Variants in GPC6 observed in about 807,000 individuals in gnomAD.
GPC6 encodes the protein glypican 6, also known as glypican-6.
A neutral mutation model predicts 55.2 loss-of-function variants in GPC6; 14 were observed. The ratio of observed to expected loss-of-function variants is 0.25; its 90% CI spans 0.17 to 0.40. GPC6 has a LOEUF of 0.40. Ranked by LOEUF, GPC6 falls within the 10% of genes least tolerant of loss-of-function variation. The pLI, the probability that GPC6 is intolerant of heterozygous loss-of-function variation, is 1.00. For missense variants in GPC6, 641 were observed against 708.5 expected (o/e 0.90, Z 1.08); for synonymous variants, 278 against 259.6 (o/e 1.07, Z -0.68).
chr13:94,100,746 CT>C (rs34981871), intron 4 of GPC6, among the ~76,000 whole-genome samples: 52,012 of 152,012 alleles, frequency 0.34, 9,437 homozygotes, highest in Middle Eastern at 0.44. Context: ...TGGGTGAATT[CT>C]TTAATTCTTT....
chr13:93,298,625 T>C (rs1878572457), intron 1 of GPC6, among the ~76,000 whole-genome samples: 1 of 152,000 alleles, frequency 6.6e-6, no homozygotes, highest in Non-Finnish European at 1.5e-5. Context: ...CTTTTTTTTT[T>C]TTATAGGGAT....
chr13:94,033,417 A>C (rs1324043717), intron 4 of GPC6, among the ~76,000 whole-genome samples: 1 of 152,190 alleles, frequency 6.6e-6, no homozygotes, highest in Non-Finnish European at 1.5e-5. Flanking sequence ...GTCAATTCTC[A>C]TGGTAATTTG....
chr13:93,662,250 G>A lies in GPC6; in HGVS notation c.319+116829G>A, dbSNP rs932634279. The stretch of plus-strand genomic sequence containing the variant: ...TGTTATTTCTTGTAGTAAGTCACTC[G>A]GGCTAATGTGTTATCACTGAAAACT... On this transcript the variant is annotated intron_variant, in intron 2 of 8. Transcript: ENST00000377047. Among the ~76,000 whole-genome samples the A allele has an allele frequency of 3.0e-4, 45 of 152,218 alleles. 1 individual carries two copies. The highest frequency in any genetic ancestry group is 3.9e-4 in the Admixed American group (6 of 15,284).
chr13:94,046,792 C>G (rs1415877397), intron 4 of GPC6, among the ~76,000 whole-genome samples: 4 of 152,092 alleles, frequency 2.6e-5, no homozygotes, highest in Admixed American at 2.6e-4. Flanking sequence ...CCTCCACATG[C>G]CCTTGGGCAA....
chr13:93,539,722 G>C (rs1050427697), intron 1 of GPC6, among the ~76,000 whole-genome samples: 3 of 139,654 alleles, frequency 2.1e-5, no homozygotes, highest in Non-Finnish European at 3.1e-5. Context: ...ACAGGGTTTT[G>C]CTCTTGTTGT....
intron 1 of GPC6, among the ~76,000 whole-genome samples, chr13:93,424,378 G>A (rs1251041765): frequency 6.6e-6 from 1 of 151,998 alleles, no homozygotes; most frequent in Non-Finnish European, 1.5e-5. Context: ...CTTCAGCTAA[G>A]GTTGGATCCC....
intron 1 of GPC6, among the ~76,000 whole-genome samples, chr13:93,319,435 T>C (rs755379005): frequency 2.6e-5 from 4 of 152,152 alleles, no homozygotes; most frequent in Non-Finnish European, 5.9e-5. Flanking sequence ...AGAGAGAATG[T>C]TAACTTAGAG....
chr13:93,317,589 T>A lies in GPC6; in HGVS notation c.160+89973T>A, dbSNP rs1038097931. On this transcript the variant is annotated intron_variant, in intron 1 of 8. Transcript: ENST00000377047. ...TGTTTCTATTGTTTTCTAAGTTGGA[T>A]TACTGAAAGCTTTTAGTCTGAAGGA... Among the ~76,000 whole-genome samples the A allele has an allele frequency of 4.3e-4, 65 of 152,272 alleles. 1 individual carries two copies. The highest frequency in any genetic ancestry group is 1.5e-3 in the African/African-American group (61 of 41,566).
chr13:94,398,410 G>A (rs953649150), intron 7 of GPC6, 56 bp from the exon 8 acceptor site: 2 of 1,317,860 alleles, frequency 1.5e-6, no homozygotes, highest in African/African-American at 1.4e-5. Context: ...GCAGCATCTG[G>A]TTTTACAGTT....
chr13:93,553,694 CAAAAAA>C (rs34521652), intron 2 of GPC6, among the ~76,000 whole-genome samples: 1 of 56,666 alleles, frequency 1.8e-5, no homozygotes, highest in Non-Finnish European at 3.3e-5. Context: ...GACTCCATCT[CAAAAAA>C]AAAAAAAAAA....
chr13:93,739,333 G>C (rs960769277), intron 2 of GPC6, among the ~76,000 whole-genome samples: 1 of 151,994 alleles, frequency 6.6e-6, no homozygotes. Context: ...ATAAAAGGGA[G>C]TCATTTTTCC....
At chr13:94,383,685 C>T (rs1880277413) in intron 7 of GPC6, among the ~76,000 whole-genome samples, 1 of 152,162 alleles carries the variant, frequency 6.6e-6, no homozygotes, top group Admixed American at 6.5e-5. Context: ...TTATTTCTTA[C>T]CCTGCTGAGT....
chr13:94,351,979 A>AGAAAAAAAAAAAAAAAAAAG (rs1165707885), intron 6 of GPC6, among the ~76,000 whole-genome samples: 1 of 142,864 alleles, frequency 7.0e-6, no homozygotes, highest in African/African-American at 2.7e-5. Context: ...AAAAAAAAAA[A>AGAAAAAAAAAAAAAAAAAAG]AAAGAAAAAG....
intron 2 of GPC6, among the ~76,000 whole-genome samples, chr13:93,784,828 A>G (rs1418908012): frequency 6.6e-6 from 1 of 152,206 alleles, no homozygotes; most frequent in Non-Finnish European, 1.5e-5. Context: ...ACATGTACAA[A>G]TAACCACAGC....
At chr13:93,795,226 A>G (rs1257892039) in intron 2 of GPC6, among the ~76,000 whole-genome samples, 1 of 152,210 alleles carries the variant, frequency 6.6e-6, no homozygotes, top group Non-Finnish European at 1.5e-5. Flanking sequence ...GTGCTGTGCT[A>G]CAAGAGTTTG....
chr13:94,081,908 T>G (rs1885112192), intron 4 of GPC6, among the ~76,000 whole-genome samples: 1 of 149,090 alleles, frequency 6.7e-6, no homozygotes, highest in South Asian at 2.2e-4. Context: ...TGGCATGATC[T>G]CGGCTCACTA....
At chr13:93,318,751 T>G (rs565592713) in intron 1 of GPC6, among the ~76,000 whole-genome samples, 2 of 152,210 alleles carry the variant, frequency 1.3e-5, no homozygotes, top group African/African-American at 4.8e-5. Flanking sequence ...ATTGGCAATG[T>G]GAGGAAGTGC....
At chr13:93,723,182 C>G (rs1883509228) in intron 2 of GPC6, among the ~76,000 whole-genome samples, 1 of 151,924 alleles carries the variant, frequency 6.6e-6, no homozygotes, top group African/African-American at 2.4e-5. Context: ...TACCTACCAA[C>G]AGTGCATTGT....
chr13:93,819,782 A>AC (rs1566551168), intron 2 of GPC6, among the ~76,000 whole-genome samples: 3 of 152,242 alleles, frequency 2.0e-5, no homozygotes, highest in Admixed American at 2.0e-4. Context: ...GTTTATCTAT[A>AC]CCACCATGAG....
Sources: gnomAD v4.1 joint callset for allele counts (sites outside exome capture counted in the v4.1 genomes callset) on GRCh38, gnomAD v4.1.1 for gene constraint, MANE v1.5 for transcripts, NCBI Gene and HGNC (gene_info 2026-07-23, HGNC 2026-07-21) for gene names.